Variants in CHST9 observed in about 807,000 individuals in gnomAD.
CHST9 encodes GalNAc-4-sulfotransferase 2.
Under a neutral mutation model 44.4 loss-of-function variants are expected in CHST9, and 41 were observed. The observed-to-expected ratio is 0.92, with a 90% CI of 0.72 to 1.20. CHST9 has a LOEUF of 1.20. Ranked by LOEUF, CHST9 falls within the 50% of genes most tolerant of loss-of-function variation. CHST9 has a pLI of 0.00. For missense variants in CHST9, 504 were observed against 516.5 expected (o/e 0.98, Z 0.23); for synonymous variants, 171 against 178.4 (o/e 0.96, Z 0.33).
chr18:27,094,465 T>C lies in CHST9; in HGVS notation c.122-45962A>G, dbSNP rs140653496. The stretch of plus-strand genomic sequence containing the variant: ...AACATCAAAGTGACCAAAATGTTTA[T>C]GACTGAGTTCTCAAGTTTTCATTAC... On this transcript the variant is annotated intron_variant, in intron 2 of 5. Coordinates refer to ENST00000618847, the MANE Select transcript of CHST9 (RefSeq NM_031422.6). Among the ~76,000 whole-genome samples the C allele has an allele frequency of 4.5e-3, 692 of 152,342 alleles. 4 individuals are homozygous for C. The highest frequency in any genetic ancestry group is 0.015 in the African/African-American group (614 of 41,588).
chr18:27,025,582 C>A (rs1386684380), intron 3 of CHST9, among the ~76,000 whole-genome samples: 1 of 152,130 alleles, frequency 6.6e-6, no homozygotes, highest in Non-Finnish European at 1.5e-5. Flanking sequence ...TTGTTATGAA[C>A]TTCCTGGTGT....
At chr18:27,067,749 C>G (rs2057797417) in intron 2 of CHST9, among the ~76,000 whole-genome samples, 1 of 152,046 alleles carries the variant, frequency 6.6e-6, no homozygotes, top group African/African-American at 2.4e-5. Flanking sequence ...AATCTGATGG[C>G]CCTGATGATT....
chr18:26,982,829 C>T (rs907494733), intron 4 of CHST9, among the ~76,000 whole-genome samples: 14 of 152,196 alleles, frequency 9.2e-5, no homozygotes, highest in South Asian at 6.2e-4. Flanking sequence ...AGTTCTTCAA[C>T]GATAAAATGG....
At chr18:27,017,817 T>C (rs934165606) in intron 4 of CHST9, among the ~76,000 whole-genome samples, 17 of 152,216 alleles carry the variant, frequency 1.1e-4, no homozygotes, top group African/African-American at 4.1e-4. Flanking sequence ...TAAGAGATTC[T>C]ATTATTTTGT....
intron 1 of CHST9, among the ~76,000 whole-genome samples, chr18:27,171,271 A>G (rs2058831777): frequency 6.6e-6 from 1 of 152,206 alleles, no homozygotes; most frequent in Non-Finnish European, 1.5e-5. Flanking sequence ...CTAGAGGCGC[A>G]GGCAAGAGGA....
At chr18:27,010,148 AT>A (rs1287906772) in intron 4 of CHST9, among the ~76,000 whole-genome samples, 2 of 152,208 alleles carry the variant, frequency 1.3e-5, no homozygotes, top group East Asian at 3.9e-4. Flanking sequence ...GAAGATACGT[AT>A]TTTTTTCATA....
chr18:26,957,807 G>A (rs910927287), intron 4 of CHST9, among the ~76,000 whole-genome samples: 1 of 152,076 alleles, frequency 6.6e-6, no homozygotes, highest in Non-Finnish European at 1.5e-5. Flanking sequence ...GCAAAAGAAA[G>A]GTAGAAAAGT....
At chr18:27,061,984 A>G (rs990025491) in intron 2 of CHST9, among the ~76,000 whole-genome samples, 1 of 152,170 alleles carries the variant, frequency 6.6e-6, no homozygotes, top group African/African-American at 2.4e-5. Context: ...TCTCATGACC[A>G]ATGTGACTAA....
intron 4 of CHST9, among the ~76,000 whole-genome samples, chr18:26,981,351 T>C (rs2056689772): frequency 6.6e-6 from 1 of 152,158 alleles, no homozygotes. Flanking sequence ...CAGGGTGAGG[T>C]ATCCACCTTC....
intron 4 of CHST9, among the ~76,000 whole-genome samples, chr18:26,995,799 C>T (rs1210188237): frequency 6.6e-6 from 1 of 152,060 alleles, no homozygotes; most frequent in African/African-American, 2.4e-5. Flanking sequence ...GACTGCTTTG[C>T]TTTGTCTATT....
At chr18:27,152,973 C>T (rs2058670292) in intron 1 of CHST9, among the ~76,000 whole-genome samples, 2 of 152,018 alleles carry the variant, frequency 1.3e-5, no homozygotes, top group South Asian at 4.2e-4. Flanking sequence ...CTAAGAAGTG[C>T]TGAATAAAGC....
intron 4 of CHST9, among the ~76,000 whole-genome samples, chr18:27,020,609 C>T (rs2143449128): frequency 6.6e-6 from 1 of 152,276 alleles, no homozygotes; most frequent in Middle Eastern, 3.4e-3. Flanking sequence ...GAGCTAGCAC[C>T]TTGCATTTGA....
At chr18:27,144,169 G>A (rs1309256571) in intron 1 of CHST9, among the ~76,000 whole-genome samples, 1 of 152,072 alleles carries the variant, frequency 6.6e-6, no homozygotes, top group Non-Finnish European at 1.5e-5. Flanking sequence ...TGGGTGAGCC[G>A]AATAAATGTT....
intron 4 of CHST9, among the ~76,000 whole-genome samples, chr18:26,978,858 A>T (rs148130843): frequency 6.6e-6 from 1 of 152,190 alleles, no homozygotes; most frequent in Non-Finnish European, 1.5e-5. Flanking sequence ...GGCAGACTTG[A>T]TGCCTGGCTC....
chr18:27,082,281 G>GAAATTATA (rs1418208273), intron 2 of CHST9, among the ~76,000 whole-genome samples: 1 of 152,158 alleles, frequency 6.6e-6, no homozygotes, highest in African/African-American at 2.4e-5. Context: ...AAGCATAAAA[G>GAAATTATA]AAATTATAAT....
intron 5 of CHST9, chr18:26,933,527 T>A (rs539377260): frequency 6.5e-6 from 1 of 153,642 alleles, no homozygotes; most frequent in South Asian, 2.1e-4. Context: ...TTTCCTATAT[T>A]TAGACACCAA....
In CHST9 at chr18:26,916,869, G is replaced by A. The variant is rs2055537888; in HGVS notation, c.722C>T (p.Ala241Val). ...GACAGCATTGTGGGAGATGTTGTATGCAGAGGAAGCCAATCCATTTAGTAC... is the reference window on the plus strand; with the variant it reads ...GACAGCATTGTGGGAGATGTTGTATACAGAGGAAGCCAATCCATTTAGTAC... ...LMVLNGLASS[A>V]YNISHNAVHY... Residue 241 changes from alanine (A) to valine (V), a missense_variant, in exon 6 of 6, where the codon GCA becomes GTA. Transcript: ENST00000618847. The A allele has an allele frequency of 5.0e-6, 8 of 1,613,928 alleles. No homozygotes were observed. The East Asian group carries it at 1.8e-4, about 36-fold the overall frequency.
intron 4 of CHST9, among the ~76,000 whole-genome samples, chr18:26,949,615 C>T (rs1355847785): frequency 6.6e-6 from 1 of 152,076 alleles, no homozygotes; most frequent in African/African-American, 2.4e-5. Flanking sequence ...GAGGAAGATA[C>T]CTGTAGGTTA....
intron 2 of CHST9, among the ~76,000 whole-genome samples, chr18:27,087,572 T>C (rs1364729925): frequency 1.3e-5 from 2 of 152,208 alleles, no homozygotes; most frequent in Non-Finnish European, 2.9e-5. Context: ...AGATCCTGTT[T>C]TGCAAATTTG....
Sources: gnomAD v4.1 joint callset for allele counts (sites outside exome capture counted in the v4.1 genomes callset) on GRCh38, gnomAD v4.1.1 for gene constraint, MANE v1.5 for transcripts, NCBI Gene and HGNC (gene_info 2026-07-23, HGNC 2026-07-21) for gene names.